SHISA9: variants seen among roughly 807,000 people sequenced by gnomAD.
SHISA9 encodes shisa family member 9.
In SHISA9, 13 loss-of-function variants were observed where a neutral mutation model predicts 38.0. That is an observed-to-expected ratio of 0.34 (90% confidence interval 0.22 to 0.54). SHISA9 has a LOEUF of 0.54. Among genes scored for constraint, SHISA9 ranks in the 20% least tolerant of loss-of-function variants. The pLI is 0.91. For missense variants in SHISA9, 538 were observed against 575.8 expected (o/e 0.93, Z 0.67); for synonymous variants, 275 against 242.0 (o/e 1.14, Z -1.27).
At chr16:13,184,578 G>A (rs1022068996) in intron 2 of SHISA9, among the ~76,000 whole-genome samples, 2 of 152,200 alleles carry the variant, frequency 1.3e-5, no homozygotes, top group African/African-American at 4.8e-5. Flanking sequence ...AAGACACAAA[G>A]TAGTTTTGTT....
chr16:13,498,367 G>A, the SHISA9 span, among the ~76,000 whole-genome samples: 1 of 152,220 alleles, frequency 6.6e-6, no homozygotes, highest in African/African-American at 2.4e-5. Context: ...TGCAGTTGGA[G>A]TAAACTTTGC....
chr16:13,505,521 A>G, the SHISA9 span, among the ~76,000 whole-genome samples: 1 of 152,242 alleles, frequency 6.6e-6, no homozygotes, highest in African/African-American at 2.4e-5. Flanking sequence ...TTTCAAGTGT[A>G]TTGGTGAGGA....
downstream of SHISA9, among the ~76,000 whole-genome samples, chr16:13,242,358 T>A (rs530384472): frequency 6.6e-6 from 1 of 152,286 alleles, no homozygotes; most frequent in East Asian, 1.9e-4. Flanking sequence ...CAGGGTCCAA[T>A]GTTTGTAACA....
chr16:12,936,473 G>A (rs2071534588), intron 2 of SHISA9, among the ~76,000 whole-genome samples: 1 of 152,200 alleles, frequency 6.6e-6, no homozygotes, highest in Admixed American at 6.5e-5. Flanking sequence ...AGGGATGGAG[G>A]AGGGGAAGAA....
intron 2 of SHISA9, chr16:13,082,535 G>A (rs951443677): frequency 6.6e-6 from 1 of 152,182 alleles, no homozygotes; most frequent in East Asian, 1.9e-4. Context: ...CTCATGTCCC[G>A]GCATTCTCTC....
At chr16:13,031,200 C>T (rs2072987235) in intron 2 of SHISA9, among the ~76,000 whole-genome samples, 2 of 152,174 alleles carry the variant, frequency 1.3e-5, no homozygotes, top group South Asian at 4.1e-4. Context: ...CCCTCTTCTG[C>T]CTCTGCCTTC....
At chr16:13,259,181 T>G in the SHISA9 span, among the ~76,000 whole-genome samples, 1 of 152,140 alleles carries the variant, frequency 6.6e-6, no homozygotes, top group African/African-American at 2.4e-5. Context: ...ACAGGGCCCA[T>G]GCAAGTTCGA....
At chr16:13,081,627 A>T (rs1320203011) in intron 2 of SHISA9, among the ~76,000 whole-genome samples, 3 of 152,032 alleles carry the variant, frequency 2.0e-5, no homozygotes, top group Admixed American at 6.6e-5. Context: ...ATCACCAGAT[A>T]ATCAGAGCGC....
chr16:13,246,762 CT>C, the SHISA9 span, among the ~76,000 whole-genome samples: 1 of 151,956 alleles, frequency 6.6e-6, no homozygotes, highest in Non-Finnish European at 1.5e-5. Context: ...GTGTTAAGCA[CT>C]GAGATTTCAG....
At chr16:13,533,764 T>C in the SHISA9 span, among the ~76,000 whole-genome samples, 155 of 150,314 alleles carry the variant, frequency 1.0e-3, 1 homozygote, top group African/African-American at 3.6e-3. Context: ...TCTATATGCA[T>C]GCTACCATAA....
chr16:13,297,650 A>T, the SHISA9 span, among the ~76,000 whole-genome samples: 1 of 152,194 alleles, frequency 6.6e-6, no homozygotes, highest in African/African-American at 2.4e-5. Flanking sequence ...AGTGAAAAGA[A>T]TGGTCTGGTT....
At chr16:13,454,647 T>G in the SHISA9 span, among the ~76,000 whole-genome samples, 1 of 152,206 alleles carries the variant, frequency 6.6e-6, no homozygotes, top group Non-Finnish European at 1.5e-5. Context: ...CTCTAACACC[T>G]GTGCTTCACC....
chr16:13,017,041 A>C (rs2072766031), intron 2 of SHISA9, among the ~76,000 whole-genome samples: 1 of 143,196 alleles, frequency 7.0e-6, no homozygotes, highest in African/African-American at 2.6e-5. Context: ...TTTTTTTGAG[A>C]CGGAGTCTTG....
the SHISA9 span, among the ~76,000 whole-genome samples, chr16:13,530,555 A>G: frequency 2.6e-5 from 4 of 152,096 alleles, no homozygotes; most frequent in Admixed American, 6.5e-5. Flanking sequence ...AGCAATGACA[A>G]TAAGTATGAT....
chr16:13,272,480 G>A, the SHISA9 span, among the ~76,000 whole-genome samples: 1 of 151,814 alleles, frequency 6.6e-6, no homozygotes, highest in South Asian at 2.1e-4. Flanking sequence ...CTCCCACCTC[G>A]ACCTCAGAAA....
chr16:13,189,259 G>A (rs533065362), intron 2 of SHISA9, among the ~76,000 whole-genome samples: 26 of 152,334 alleles, frequency 1.7e-4, no homozygotes, highest in African/African-American at 4.1e-4. Flanking sequence ...TAGGGAGGTC[G>A]GTTGGTGGGC....
chr16:13,176,556 T>A (rs896799549), intron 2 of SHISA9, among the ~76,000 whole-genome samples: 1 of 152,174 alleles, frequency 6.6e-6, no homozygotes, highest in Non-Finnish European at 1.5e-5. Flanking sequence ...CACTGGGAAG[T>A]CCAGCCCAAA....
the SHISA9 span, among the ~76,000 whole-genome samples, chr16:13,463,082 G>T: frequency 6.6e-5 from 10 of 152,148 alleles, no homozygotes; most frequent in African/African-American, 1.2e-4. Flanking sequence ...CTTGAGCCTG[G>T]GGGGGGAAGG....
intron 2 of SHISA9, among the ~76,000 whole-genome samples, chr16:13,027,808 TC>T (rs2072941273): frequency 1.3e-5 from 2 of 151,214 alleles, no homozygotes; most frequent in African/African-American, 4.9e-5. Flanking sequence ...ACTCCTGTAA[TC>T]CCAGCTGCTT....
Sources: gnomAD v4.1 joint callset for allele counts (sites outside exome capture counted in the v4.1 genomes callset) on GRCh38, gnomAD v4.1.1 for gene constraint, MANE v1.5 for transcripts, NCBI Gene and HGNC (gene_info 2026-07-23, HGNC 2026-07-21) for gene names.